CARMIL1: variants seen among roughly 807,000 people sequenced by gnomAD.
CARMIL1 encodes F-actin-uncapping protein LRRC16A.
Under a neutral mutation model 177.1 loss-of-function variants are expected in CARMIL1, and 90 were observed. That is an observed-to-expected ratio of 0.51 (90% confidence interval 0.43 to 0.61). The LOEUF (loss-of-function observed/expected upper bound fraction) is 0.61. Among genes scored for constraint, CARMIL1 ranks in the 20% least tolerant of loss-of-function variants. The probability of loss-of-function intolerance (pLI) is 0.00; values close to 1 mark genes in which losing one functional copy is unlikely to be tolerated. For synonymous variants in CARMIL1, 577 were observed against 606.2 expected (o/e 0.95, Z 0.71); for missense variants, 1,380 against 1,667.0 (o/e 0.83, Z 3.00).
chr6:25,338,551 CTT>C (rs34070479), intron 2 of CARMIL1, among the ~76,000 whole-genome samples: 5,852 of 141,398 alleles, frequency 0.041, 292 homozygotes, highest in East Asian at 0.27. Context: ...GCTGGTCCTA[CTT>C]TTTTTTTTTT....
At chr6:25,499,319 T>C (rs1250598424) in intron 16 of CARMIL1, among the ~76,000 whole-genome samples, 2 of 152,230 alleles carry the variant, frequency 1.3e-5, no homozygotes, top group Non-Finnish European at 2.9e-5. Flanking sequence ...GGCACACATA[T>C]CTGTTTTCCT....
intron 29 of CARMIL1, among the ~76,000 whole-genome samples, chr6:25,565,464 G>A (rs528606301): frequency 9.8e-5 from 15 of 152,298 alleles, no homozygotes; most frequent in African/African-American, 3.1e-4. Flanking sequence ...GTACAGGTAC[G>A]CTCACCAGAC....
At chr6:25,357,371 C>T (rs1205696005) in intron 2 of CARMIL1, among the ~76,000 whole-genome samples, 3 of 152,086 alleles carry the variant, frequency 2.0e-5, no homozygotes, top group Non-Finnish European at 2.9e-5. Flanking sequence ...CACTTGAGGC[C>T]GGGAGTTCGA....
chr6:25,420,294 T>A, intron 3 of CARMIL1, 130 bp downstream of exon 3: 5 of 833,556 alleles, frequency 6.0e-6, no homozygotes, highest in Non-Finnish European at 1.0e-5. Flanking sequence ...CACACACACC[T>A]CACTTACATA....
Position 25,279,762 on chromosome 6 carries a change from GACCTGCAATA to G in CARMIL1, c.-30_-21del. ...GGCAGGGGGCCATAAATCAGAGTTG[GACCTGCAATA>G]ACCCCCACACCTACAGGGCAACCAT... On this transcript the variant is annotated 5_prime_UTR_variant, in exon 1 of 37. Coordinates refer to ENST00000329474, the MANE Select transcript of CARMIL1 (RefSeq NM_017640.6). 1 of 1,611,512 alleles carries G rather than the reference GACCTGCAATA, an allele frequency of 6.2e-7. No homozygotes were observed. The highest frequency in any genetic ancestry group is 8.5e-7 in the Non-Finnish European group (1 of 1,177,696).
At position 25,510,775 on chromosome 6, in the gene CARMIL1, T is replaced by C. The variant is rs757743859; in HGVS notation, c.1632+13T>C. ...AGATGAAGAATCAGTGAGTATTATG[T>C]TAAACTTTTTACTAAAATCTTCTGT... On this transcript the variant is annotated intron_variant, in intron 20 of 36. Transcript: ENST00000329474. The C allele has an allele frequency of 1.4e-6, 2 of 1,443,506 alleles. No individual in the cohort carries two copies. Among genetic ancestry groups the C allele is most frequent in the South Asian group, 1.3e-5 (1 of 79,714 alleles). 89.4% of individuals were successfully genotyped at this position (1,443,506 alleles called of 1,614,324 possible). A position where few individuals can be genotyped will look rare whatever the true frequency, so the allele number is the denominator to read the frequency against.
At chr6:25,488,443 T>C in intron 12 of CARMIL1, 39 bp from the exon 13 acceptor site, 1 of 1,449,778 alleles carries the variant, frequency 6.9e-7, no homozygotes, top group Non-Finnish European at 9.7e-7. Flanking sequence ...TTTTGTTTCC[T>C]GGAGTGCAAA....
chr6:25,602,375 A>G (rs1397037779), intron 33 of CARMIL1, among the ~76,000 whole-genome samples: 1 of 152,214 alleles, frequency 6.6e-6, no homozygotes, highest in Non-Finnish European at 1.5e-5. Flanking sequence ...TTTCTTTATA[A>G]CAATGAATGT....
chr6:25,317,024 T>G (rs1451226591), intron 2 of CARMIL1, among the ~76,000 whole-genome samples: 2 of 152,218 alleles, frequency 1.3e-5, no homozygotes, highest in African/African-American at 4.8e-5. Flanking sequence ...AGACTGTTAC[T>G]ACAATTTTAA....
rs1424924901 is a variant in CARMIL1, at chr6:25,284,906, G to C, written c.135G>C (p.Val45=). 1 of 1,539,054 alleles carries C rather than the reference G, an allele frequency of 6.5e-7. No homozygotes were observed. The highest frequency in any genetic ancestry group is 1.2e-5 in the South Asian group (1 of 84,120). The change falls in exon 2 of 37, where the codon GTG becomes GTC. Residue 45 remains valine (V), a synonymous_variant. Transcript: ENST00000329474. The part of the protein sequence containing the change: ...EVKGDKVENK[V]LVLTSCRAFL... ...AGGGAGACAAAGTTGAAAACAAAGT[G>C]CTGGTAAGTATTGCTGTTTATTTTT...
chr6:25,314,554 A>T (rs183089711), intron 2 of CARMIL1, among the ~76,000 whole-genome samples: 42 of 152,018 alleles, frequency 2.8e-4, no homozygotes, highest in Non-Finnish European at 1.6e-4. Flanking sequence ...ACACATACAT[A>T]TATATGTATG....
chr6:25,459,858 G>T (rs915888096), intron 8 of CARMIL1, among the ~76,000 whole-genome samples: 1 of 152,160 alleles, frequency 6.6e-6, no homozygotes, highest in Non-Finnish European at 1.5e-5. Context: ...TCATGAGAGG[G>T]TTCCCTCAAC....
At position 25,551,021 on chromosome 6, in the gene CARMIL1, C is replaced by G; in HGVS notation, c.2440C>G (p.Pro814Ala). ...TGCCAGCACCGAAAAGATTTCTATTCCACGTACCTTTGTTAAAAATGTCCT... is the reference window on the plus strand; with the variant it reads ...TGCCAGCACCGAAAAGATTTCTATTGCACGTACCTTTGTTAAAAATGTCCT... ...IHASTEKISI[P>A]RTFVKNVLLE... is the part of the protein sequence containing the mutation. The change falls in exon 27 of 37, where the codon CCA becomes GCA. Residue 814 changes from proline to alanine, a missense_variant. Coordinates refer to ENST00000329474, the MANE Select transcript of CARMIL1 (RefSeq NM_017640.6). 1 of 1,613,444 alleles carries G rather than the reference C, an allele frequency of 6.2e-7. No individual in the cohort carries two copies. The highest frequency in any genetic ancestry group is 8.5e-7 in the Non-Finnish European group (1 of 1,179,534).
At chr6:25,446,432 C>T (rs574882855) in intron 5 of CARMIL1, among the ~76,000 whole-genome samples, 9 of 152,320 alleles carry the variant, frequency 5.9e-5, no homozygotes, top group Admixed American at 1.3e-4. Flanking sequence ...AGACAACTTT[C>T]CTTAAACCTC....
chr6:25,515,770 G>T lies in CARMIL1; in HGVS notation c.1728G>T (p.Val576=). 1 of 1,612,006 alleles carries T rather than the reference G, an allele frequency of 6.2e-7. No homozygotes were observed. The highest frequency in any genetic ancestry group is 1.3e-5 in the African/African-American group (1 of 74,998). Residue 576 remains valine (V), a synonymous_variant, in exon 21 of 37, where the codon GTG becomes GTT. Coordinates refer to ENST00000329474, the MANE Select transcript of CARMIL1 (RefSeq NM_017640.6). The surrounding 1 kb of genome is among the most constrained non-coding windows in gnomAD (Gnocchi z 5.0). ...ALGSNTSLTK[V]DISGNGMGDM... ...GAAGCAACACCTCCCTGACCAAAGT[G>T]GACATTAGCGGCAACGGAATGGGGG...
Position 25,393,917 on chromosome 6 carries a change from G to A in CARMIL1, c.139-26197G>A, listed in dbSNP as rs143396369. Among the ~76,000 whole-genome samples, 23 of 152,206 alleles carry A rather than the reference G, an allele frequency of 1.5e-4. No homozygotes were observed. In the East Asian group the frequency reaches 2.9e-3, roughly 19 times the overall value. Reference sequence around the variant, plus strand: ...TGCTATTGTTATTGATGAATAATACGTTCTTGGGGAGGTAGTGTGGCTGAT... The same window carrying A: ...TGCTATTGTTATTGATGAATAATACATTCTTGGGGAGGTAGTGTGGCTGAT... On this transcript the variant is annotated intron_variant, in intron 2 of 36. Coordinates refer to ENST00000329474, the MANE Select transcript of CARMIL1 (RefSeq NM_017640.6).
intron 1 of CARMIL1, among the ~76,000 whole-genome samples, chr6:25,283,577 A>G (rs1016887618): frequency 2.0e-5 from 3 of 152,154 alleles, no homozygotes; most frequent in African/African-American, 7.2e-5. Context: ...TTCCACCACC[A>G]TCTGAAATGT....
At chr6:25,583,524 C>T (rs116665012) in intron 31 of CARMIL1, among the ~76,000 whole-genome samples, 2,956 of 150,616 alleles carry the variant, frequency 0.02, 81 homozygotes, top group African/African-American at 0.061. Flanking sequence ...CAACAATACT[C>T]ATTGGATAAG....
intron 2 of CARMIL1, among the ~76,000 whole-genome samples, chr6:25,294,146 C>G (rs371851789): frequency 2.6e-5 from 4 of 152,346 alleles, no homozygotes; most frequent in African/African-American, 9.6e-5. Context: ...GGCATGTACA[C>G]ATGTCCTGAG....
Sources: allele counts gnomAD v4.1 joint callset (sites outside exome capture counted in the v4.1 genomes callset), GRCh38; gene constraint gnomAD v4.1.1; non-coding constraint Gnocchi (gnomAD v3.1); transcripts MANE v1.5; gene names NCBI Gene and HGNC (gene_info 2026-07-23, HGNC 2026-07-21).